The following CHRM3 variants were observed in gnomAD, a reference collection of about 807,000 sequenced individuals.
CHRM3 encodes the protein muscarinic acetylcholine receptor M3.
A neutral mutation model predicts 41.8 loss-of-function variants in CHRM3; 11 were observed. The ratio of observed to expected loss-of-function variants is 0.26; its 90% CI spans 0.17 to 0.44. The LOEUF (loss-of-function observed/expected upper bound fraction) is 0.44. Among genes scored for constraint, CHRM3 ranks in the 20% least tolerant of loss-of-function variants. The pLI is 1.00. For missense variants in CHRM3, 571 were observed against 745.4 expected (o/e 0.77, Z 2.72); for synonymous variants, 297 against 301.4 (o/e 0.99, Z 0.15).
chr1:239,641,250 G>T (rs1426150657), intron 4 of CHRM3, among the ~76,000 whole-genome samples: 3 of 151,990 alleles, frequency 2.0e-5, no homozygotes, highest in Non-Finnish European at 2.9e-5. Context: ...TGTTGATTTG[G>T]GGTGGAGAGT....
At chr1:239,454,621 C>T (rs1213097825) in intron 1 of CHRM3, among the ~76,000 whole-genome samples, 1 of 152,074 alleles carries the variant, frequency 6.6e-6, no homozygotes, top group Admixed American at 6.5e-5. Flanking sequence ...CACACTGGGG[C>T]ACCCTGGCAA....
chr1:239,431,578 A>G (rs1251681326), intron 1 of CHRM3, among the ~76,000 whole-genome samples: 2 of 152,158 alleles, frequency 1.3e-5, no homozygotes, highest in East Asian at 3.9e-4. Flanking sequence ...GCTTTAATTT[A>G]AGTTCCCTGA....
intron 5 of CHRM3, chr1:239,707,130 T>A (rs565234124): frequency 2.9e-4 from 44 of 152,274 alleles, no homozygotes; most frequent in African/African-American, 9.6e-4. Context: ...AACATCTATG[T>A]AAGGTGGGGA....
chr1:239,870,200 A>G (rs577628121), intron 6 of CHRM3, among the ~76,000 whole-genome samples: 1 of 152,336 alleles, frequency 6.6e-6, no homozygotes, highest in South Asian at 2.1e-4. Flanking sequence ...ATTTTATGCA[A>G]TGCTGACAAG....
intron 5 of CHRM3, among the ~76,000 whole-genome samples, chr1:239,694,344 T>G (rs2148018262): frequency 6.6e-6 from 1 of 152,262 alleles, no homozygotes; most frequent in South Asian, 2.1e-4. Context: ...ACACAAATAA[T>G]TTGTCACAGG....
At chr1:239,642,954 C>A (rs1395965087) in intron 4 of CHRM3, among the ~76,000 whole-genome samples, 2 of 152,148 alleles carry the variant, frequency 1.3e-5, no homozygotes, top group Non-Finnish European at 2.9e-5. Context: ...GTGTGGATGT[C>A]CTTTCTGTTT....
chr1:239,459,004 T>G (rs1201545474), intron 1 of CHRM3, among the ~76,000 whole-genome samples: 1 of 152,154 alleles, frequency 6.6e-6, no homozygotes, highest in African/African-American at 2.4e-5. Flanking sequence ...AGGGGTCTTT[T>G]TAAAAGAATT....
chr1:239,605,438 A>G (rs1666131302), intron 3 of CHRM3, among the ~76,000 whole-genome samples: 1 of 152,228 alleles, frequency 6.6e-6, no homozygotes, highest in South Asian at 2.1e-4. Flanking sequence ...CTAGGTTTGC[A>G]TAAATACATT....
chr1:239,627,829 C>T (rs1435814319), intron 3 of CHRM3, among the ~76,000 whole-genome samples: 4 of 150,746 alleles, frequency 2.7e-5, no homozygotes, highest in African/African-American at 9.8e-5. Flanking sequence ...TGAATATTGG[C>T]CCCCACTCTC....
intron 3 of CHRM3, among the ~76,000 whole-genome samples, chr1:239,584,093 G>T (rs112034978): frequency 1.3e-5 from 2 of 148,530 alleles, no homozygotes; most frequent in African/African-American, 5.0e-5. Flanking sequence ...ATTCGAATTA[G>T]TCATTCTTCT....
chr1:239,533,742 A>C lies in CHRM3; in HGVS notation c.-421-11899A>C, dbSNP rs574375741. On this transcript the variant is annotated intron_variant, in intron 2 of 6. Transcript: ENST00000676153. ...GCCAAACTCTGTCTCAAAAAAAAAA[A>C]AAAAAAAACAAAAAAACCCTTAAAA... 8.3e-4 allele frequency among the ~76,000 whole-genome samples: 123 copies of C among 149,002 alleles called. 1 individual carries two copies. Among genetic ancestry groups the C allele is most frequent in the African/African-American group, 2.9e-3 (116 of 40,482 alleles).
intron 2 of CHRM3, among the ~76,000 whole-genome samples, chr1:239,509,921 C>T (rs1286252593): frequency 6.6e-6 from 1 of 152,096 alleles, no homozygotes; most frequent in Admixed American, 6.5e-5. Flanking sequence ...AACCCCGTCT[C>T]TATTAAAAAA....
chr1:239,704,618 G>A (rs1660974144), intron 5 of CHRM3: 1 of 152,196 alleles, frequency 6.6e-6, no homozygotes, highest in Non-Finnish European at 1.5e-5. Context: ...GCAGGGTGCT[G>A]TGGTCAGCAT....
At chr1:239,795,838 C>T (rs768515119) in intron 5 of CHRM3, among the ~76,000 whole-genome samples, 13 of 152,122 alleles carry the variant, frequency 8.5e-5, no homozygotes, top group Non-Finnish European at 1.9e-4. Context: ...AAATTTTGTT[C>T]ATTTTACCTA....
chr1:239,761,562 T>C (rs879025178), intron 5 of CHRM3, among the ~76,000 whole-genome samples: 36 of 152,210 alleles, frequency 2.4e-4, no homozygotes, highest in Admixed American at 3.9e-4. Context: ...GTTCAGTCTT[T>C]TCTAGGCCTG....
At chr1:239,803,737 T>A (rs752320125) in intron 5 of CHRM3, among the ~76,000 whole-genome samples, 8 of 152,122 alleles carry the variant, frequency 5.3e-5, no homozygotes, top group Non-Finnish European at 8.8e-5. Flanking sequence ...GGGTAGGTGA[T>A]CAGGGTGATC....
chr1:239,613,237 G>A (rs1036060887), intron 3 of CHRM3, among the ~76,000 whole-genome samples: 3 of 152,168 alleles, frequency 2.0e-5, no homozygotes, highest in African/African-American at 7.2e-5. Context: ...ATTGCATGTA[G>A]GGTGTGCACA....
rs770595338 is a variant in CHRM3, at chr1:239,907,195, G to GA, written c.-19-232dup. On this transcript the variant is annotated intron_variant, in intron 6 of 6. Coordinates refer to ENST00000676153, the MANE Select transcript of CHRM3 (RefSeq NM_001375978.1). The surrounding 1 kb of genome is among the most constrained non-coding windows in gnomAD (Gnocchi z 5.4). ...ATATTTAGAAATGAGAAAAATGTGG[G>GA]AAAAAAGCACAATGTTCAGTGCATG... Among the ~76,000 whole-genome samples, 8 of 152,042 alleles carry GA rather than the reference G, an allele frequency of 5.3e-5. No individual in the cohort carries two copies. Among genetic ancestry groups the GA allele is most frequent in the Non-Finnish European group, 8.8e-5 (6 of 68,002 alleles).
intron 2 of CHRM3, among the ~76,000 whole-genome samples, chr1:239,536,121 G>A (rs1658173099): frequency 6.6e-6 from 1 of 152,160 alleles, no homozygotes. Context: ...TCAGAGTCAA[G>A]GAAGCAGTGA....
Sources: allele counts gnomAD v4.1 joint callset (sites outside exome capture counted in the v4.1 genomes callset), GRCh38; gene constraint gnomAD v4.1.1; non-coding constraint Gnocchi (gnomAD v3.1); transcripts MANE v1.5; gene names NCBI Gene and HGNC (gene_info 2026-07-23, HGNC 2026-07-21).